The following PCDHGB1 variants were observed in gnomAD, a reference collection of about 807,000 sequenced individuals.
PCDHGB1 encodes protocadherin gamma subfamily B, 1.
Under a neutral mutation model 56.6 loss-of-function variants are expected in PCDHGB1, and 34 were observed. The observed-to-expected ratio is 0.60, with a 90% CI of 0.46 to 0.80. The LOEUF is 0.80. Ranked by LOEUF, PCDHGB1 falls within the 30% of genes least tolerant of loss-of-function variation. PCDHGB1 has a pLI of 0.00. For synonymous variants in PCDHGB1, 561 were observed against 505.9 expected, an observed-to-expected ratio of 1.11 and a Z score of -1.46; for missense variants, 1,278 against 1,204.6, an observed-to-expected ratio of 1.06 and a Z score of -0.90.
chr5:141,485,358 G>A lies in PCDHGB1; in HGVS notation c.2410-9449G>A, dbSNP rs372994272. The A allele has an allele frequency of 1.2e-6, 2 of 1,614,100 alleles. No homozygotes were observed. Among genetic ancestry groups the A allele is most frequent in the Admixed American group, 3.3e-5 (2 of 60,002 alleles). ...CTGGATACGGACAGTCTGTCAGCTC[G>A]CAGGCTGCAGGTCGCTGGAGAGGTG... is the stretch of plus-strand genomic sequence containing the variant. On this transcript the variant is annotated intron_variant, in intron 1 of 3. Transcript: ENST00000523390. This position sits in a 1 kb window ranked among gnomAD's most constrained non-coding sequence, Gnocchi z 5.7.
chr5:141,423,358 G>T (rs202010010), intron 1 of PCDHGB1: 1 of 1,614,196 alleles, frequency 6.2e-7, no homozygotes, highest in South Asian at 1.1e-5. Flanking sequence ...CTTTGTCATC[G>T]TGCTGCTGGC....
rs773340535 is a variant in PCDHGB1, at chr5:141,388,285, C to G, written c.2409+35616C>G. Reference sequence around the variant, plus strand: ...ATTAATGACCACACGCCAAAATTCACGCAAAATTCCTTTGAGCTGCAAATA... The same window carrying G: ...ATTAATGACCACACGCCAAAATTCAGGCAAAATTCCTTTGAGCTGCAAATA... On this transcript the variant is annotated intron_variant, in intron 1 of 3. Transcript: ENST00000523390. 3 of 1,613,318 alleles carry G rather than the reference C, an allele frequency of 1.9e-6. No homozygotes were observed. The Admixed American group carries it at 5.0e-5, about 27-fold the overall frequency.
chr5:141,357,324 C>T (rs1234132409), intron 1 of PCDHGB1: 1 of 1,613,980 alleles, frequency 6.2e-7, no homozygotes, highest in African/African-American at 1.3e-5. Context: ...TGGCTTTTGT[C>T]ACGGTGCTGC....
At chr5:141,494,979 T>C in intron 2 of PCDHGB1, 114 bp downstream of exon 2, 1 of 1,571,464 alleles carries the variant, frequency 6.4e-7, no homozygotes, top group Admixed American at 1.8e-5. Flanking sequence ...TCCCTCAGTT[T>C]GAGATCCCAG....
chr5:141,508,928 G>A (rs1475005703), intron 3 of PCDHGB1, among the ~76,000 whole-genome samples: 1 of 152,076 alleles, frequency 6.6e-6, no homozygotes, highest in East Asian at 1.9e-4. Flanking sequence ...TCCTTTTGGA[G>A]TTAATTAGGG....
At chr5:141,366,517 C>A (rs1764609891) in intron 1 of PCDHGB1, 1 of 1,614,130 alleles carries the variant, frequency 6.2e-7, no homozygotes, top group Admixed American at 1.7e-5. Flanking sequence ...AGGCTGAAGG[C>A]AGCAGGTTGG....
At position 141,511,211 on chromosome 5, in the gene PCDHGB1, C is replaced by G; in HGVS notation, c.*38C>G. ...GCCAAGAGCCACAGGGCGGCCTCTC[C>G]CCAACCAGCCCAGCTTCTCCTTACC... On this transcript the variant is annotated 3_prime_UTR_variant, in exon 4 of 4. Transcript: ENST00000523390. The G allele has an allele frequency of 6.2e-7, 1 of 1,608,626 alleles. No individual in the cohort carries two copies. The highest frequency in any genetic ancestry group is 8.5e-7 in the Non-Finnish European group (1 of 1,177,476).
Position 141,431,535 on chromosome 5 carries a change from C to T in PCDHGB1, c.2410-63272C>T. On this transcript the variant is annotated intron_variant, in intron 1 of 3. Coordinates refer to ENST00000523390, the MANE Select transcript of PCDHGB1 (RefSeq NM_018922.3). This position sits in a 1 kb window ranked among gnomAD's most constrained non-coding sequence, Gnocchi z 4.8. ...GTTCCGGAGAATCTGGCCTTGGGCA[C>T]GCAGCTGCTTGTAGTCAACGCTACC... is the stretch of plus-strand genomic sequence containing the variant. 3 of 1,614,076 alleles carry T rather than the reference C, an allele frequency of 1.9e-6. No individual in the cohort carries two copies. Among genetic ancestry groups the T allele is most frequent in the Non-Finnish European group, 2.5e-6 (3 of 1,180,038 alleles).
At position 141,350,760 on chromosome 5, in the gene PCDHGB1, A is replaced by G. The variant is rs756938646; in HGVS notation, c.500A>G (p.Tyr167Cys). Reference sequence around the variant, plus strand: ...GTGGAAGGCAATTCACTGAAGTTATACACCATCAACCCCAATCAATACTTC... The same window carrying G: ...GTGGAAGGCAATTCACTGAAGTTATGCACCATCAACCCCAATCAATACTTC... ...ADVEGNSLKL[Y>C]TINPNQYFSL... is the part of the protein sequence containing the mutation. The change falls in exon 1 of 4, where the codon TAC becomes TGC. Residue 167 changes from tyrosine to cysteine, a missense_variant. Tyr to Cys is a radical substitution (Grantham distance 194). Coordinates refer to ENST00000523390, the MANE Select transcript of PCDHGB1 (RefSeq NM_018922.3). The G allele has an allele frequency of 1.7e-5, 27 of 1,613,948 alleles. No individual in the cohort carries two copies. In the East Asian group the frequency reaches 5.6e-4, roughly 33 times the overall value.
rs770154641 is a variant in PCDHGB1, at chr5:141,372,296, C to T, written c.2409+19627C>T. ...TGCGCACGGCGCGTACCTTGGGCGA[C>T]AGGGAGGCCGCCCGCCAGCGCCTGC... On this transcript the variant is annotated intron_variant, in intron 1 of 3. Coordinates refer to ENST00000523390, the MANE Select transcript of PCDHGB1 (RefSeq NM_018922.3). 5 of 1,613,184 alleles carry T rather than the reference C, an allele frequency of 3.1e-6. No individual in the cohort carries two copies. The African/African-American group carries it at 5.3e-5, about 17-fold the overall frequency.
In PCDHGB1 at chr5:141,490,007, C is replaced by T. The variant is rs766407642; in HGVS notation, c.2410-4800C>T. On this transcript the variant is annotated intron_variant, in intron 1 of 3. Coordinates refer to ENST00000523390, the MANE Select transcript of PCDHGB1 (RefSeq NM_018922.3). The surrounding 1 kb of genome is among the most constrained non-coding windows in gnomAD (Gnocchi z 5.4). ...CGTGTGGGAATCCCAGAGAATGCACCCATTGGTACTCTGCTGCTCCGCCTC... is the reference window on the plus strand; with the variant it reads ...CGTGTGGGAATCCCAGAGAATGCACTCATTGGTACTCTGCTGCTCCGCCTC... 6.2e-7 allele frequency: 1 copy of T among 1,614,200 alleles called. No homozygotes were observed. The highest frequency in any genetic ancestry group is 8.5e-7 in the Non-Finnish European group (1 of 1,180,016).
intron 1 of PCDHGB1, chr5:141,366,483 G>A: frequency 6.2e-7 from 1 of 1,614,236 alleles, no homozygotes; most frequent in South Asian, 1.1e-5. Context: ...AGACTGAGGC[G>A]CTGGCACAAG....
chr5:141,482,248 C>G (rs1056466272), intron 1 of PCDHGB1, among the ~76,000 whole-genome samples: 1 of 152,084 alleles, frequency 6.6e-6, no homozygotes, highest in African/African-American at 2.4e-5. Context: ...AAGTATAGTA[C>G]TGTACATATT....
intron 1 of PCDHGB1, chr5:141,375,866 G>T: frequency 1.2e-6 from 2 of 1,613,948 alleles, no homozygotes; most frequent in Non-Finnish European, 8.5e-7. Flanking sequence ...GGTGGCGGTG[G>T]ACAGAGACTC....
chr5:141,485,726 C>G lies in PCDHGB1; in HGVS notation c.2410-9081C>G. On this transcript the variant is annotated intron_variant, in intron 1 of 3. Transcript: ENST00000523390. The surrounding 1 kb of genome is among the most constrained non-coding windows in gnomAD (Gnocchi z 5.7). ...ACACTTTGCACTGGATGTGAAGAAG[C>G]GCAGCGACGGCAGCCTGGTCCCAGA... 2 of 1,614,140 alleles carry G rather than the reference C, an allele frequency of 1.2e-6. No individual in the cohort carries two copies. The highest frequency in any genetic ancestry group is 1.1e-5 in the South Asian group (1 of 91,082).
chr5:141,390,234 G>A (rs1357417854), intron 1 of PCDHGB1: 15 of 1,614,046 alleles, frequency 9.3e-6, no homozygotes, highest in Non-Finnish European at 1.3e-5. Context: ...TGATTCATCT[G>A]GGGCCTTATT....
rs553587727 is a variant in PCDHGB1, at chr5:141,419,523, G to A, written c.2409+66854G>A. The A allele has an allele frequency of 2.1e-4, 343 of 1,612,204 alleles. 3 individuals are homozygous for A. The South Asian group carries it at 3.5e-3, about 17-fold the overall frequency. ...AGCCTGCGCGTGTTGGTGGGCGACC[G>A]TAACGACAACGCACCGCGGGTGCTG... On this transcript the variant is annotated intron_variant, in intron 1 of 3. Coordinates refer to ENST00000523390, the MANE Select transcript of PCDHGB1 (RefSeq NM_018922.3).
At position 141,511,130 on chromosome 5, in the gene PCDHGB1, G is replaced by A. The variant is rs777082914; in HGVS notation, c.2741G>A (p.Gly914Asp). ...GKRDGKAPAG[G>D]NGNKKKSGKK... ...CGGGATGGCAAGGCCCCAGCAGGTG[G>A]CAATGGCAACAAGAAGAAGTCGGGC... The change falls in exon 4 of 4, where the codon GGC (glycine) becomes GAC (aspartate). Residue 914 changes from glycine (G) to aspartate (D), a missense_variant. Coordinates refer to ENST00000523390, the MANE Select transcript of PCDHGB1 (RefSeq NM_018922.3). 6.2e-7 allele frequency: 1 copy of A among 1,614,210 alleles called. No homozygotes were observed. The highest frequency in any genetic ancestry group is 1.1e-5 in the South Asian group (1 of 91,090).
At chr5:141,423,094 C>CGCGTGCGT (rs2096708722) in intron 1 of PCDHGB1, 4 of 1,613,860 alleles carry the variant, frequency 2.5e-6, no homozygotes, top group African/African-American at 2.7e-5. Flanking sequence ...GGTGGGGGAG[C>CGCGTGCGT]ACACGGGCGA....
Sources: allele counts gnomAD v4.1 joint callset (sites outside exome capture counted in the v4.1 genomes callset), GRCh38; gene constraint gnomAD v4.1.1; non-coding constraint Gnocchi (gnomAD v3.1); transcripts MANE v1.5; gene names NCBI Gene and HGNC (gene_info 2026-07-23, HGNC 2026-07-21).